Variants in TNRC6C observed in about 807,000 individuals in gnomAD.
The protein encoded by TNRC6C is trinucleotide repeat-containing gene 6C protein.
A neutral mutation model predicts 153.7 loss-of-function variants in TNRC6C; 20 were observed. The observed-to-expected ratio is 0.13, with a 90% confidence interval of 0.09 to 0.19. The LOEUF is 0.19. Among genes scored for constraint, TNRC6C ranks in the 10% least tolerant of loss-of-function variants. The probability of loss-of-function intolerance (pLI) is 1.00; values close to 1 mark genes in which losing one functional copy is unlikely to be tolerated. For synonymous variants in TNRC6C, 811 were observed against 841.4 expected (o/e 0.96, Z 0.63); for missense variants, 1,987 against 2,172.0 (o/e 0.91, Z 1.69).
At chr17:78,054,613 T>A (rs2072609549) in intron 3 of TNRC6C, among the ~76,000 whole-genome samples, 1 of 151,858 alleles carries the variant, frequency 6.6e-6, no homozygotes, top group Non-Finnish European at 1.5e-5. Flanking sequence ...TGCAGACTAC[T>A]GTAGACTAGT....
intron 1 of TNRC6C, among the ~76,000 whole-genome samples, chr17:78,012,637 A>T (rs2143399559): frequency 6.6e-6 from 1 of 152,348 alleles, no homozygotes; most frequent in Non-Finnish European, 1.5e-5. Flanking sequence ...GCCAGGTGTC[A>T]GTAGGTCAGT....
rs1490123492 is a variant in TNRC6C, at chr17:78,079,938, C to A, written c.3357+397C>A. Among the ~76,000 whole-genome samples the A allele has an allele frequency of 6.6e-6, 1 of 152,150 alleles. No homozygotes were observed. The highest frequency in any genetic ancestry group is 1.5e-5 in the Non-Finnish European group (1 of 68,020). The stretch of plus-strand genomic sequence containing the variant: ...ATTGGTGGGAGAGGAAAGTGACACG[C>A]TGTAGTATTGCTGAGGATGTAAAAG... On this transcript the variant is annotated intron_variant, in intron 10 of 19. Transcript: ENST00000301624. The surrounding 1 kb of genome is among the most constrained non-coding windows in gnomAD (Gnocchi z 4.3).
exon 2 of TNRC6C, chr17:78,031,795 C>T (rs1161916248): frequency 1.6e-6 from 2 of 1,232,164 alleles, no homozygotes; most frequent in African/African-American, 3.1e-5. Context: ...AGCCCACCTC[C>T]CCTACCTGGA....
chr17:78,105,468 A>G (rs936062153), exon 20 of TNRC6C: 2 of 152,262 alleles, frequency 1.3e-5, no homozygotes, highest in African/African-American at 4.8e-5. Flanking sequence ...AAGTTAAAAA[A>G]AGACATATCA....
intron 3 of TNRC6C, among the ~76,000 whole-genome samples, chr17:78,053,846 A>G (rs1202073299): frequency 1.3e-5 from 2 of 152,170 alleles, no homozygotes; most frequent in Non-Finnish European, 2.9e-5. Flanking sequence ...TGCCTGGGCA[A>G]CATAACGAGA....
At chr17:78,006,550 T>TTCC (rs2071511143) in intron 1 of TNRC6C, among the ~76,000 whole-genome samples, 1 of 93,120 alleles carries the variant, frequency 1.1e-5, no homozygotes, top group African/African-American at 4.8e-5. Context: ...CTTCTTCTTC[T>TTCC]TCTTCTTCTT....
exon 3 of TNRC6C, chr17:78,051,214 A>G (rs748330531): frequency 4.5e-6 from 7 of 1,567,294 alleles, no homozygotes; most frequent in African/African-American, 2.7e-5. Flanking sequence ...TCCACCGTCC[A>G]TTCGCCGCAA....
At chr17:78,005,421 C>T (rs954641413) in intron 1 of TNRC6C, among the ~76,000 whole-genome samples, 2 of 151,998 alleles carry the variant, frequency 1.3e-5, no homozygotes, top group African/African-American at 4.8e-5. Flanking sequence ...TTTTAAGGTT[C>T]CAATTTCTCA....
At chr17:78,064,075 GCT>G (rs2072822700) in intron 3 of TNRC6C, among the ~76,000 whole-genome samples, 1 of 152,078 alleles carries the variant, frequency 6.6e-6, no homozygotes. Context: ...ACAGATTCTT[GCT>G]CTGTCGCCCA....
At chr17:78,050,504 G>A (rs2072503237) in exon 3 of TNRC6C, 1 of 1,613,920 alleles carries the variant, frequency 6.2e-7, no homozygotes, top group Admixed American at 1.7e-5. Flanking sequence ...GCCTGGGGTT[G>A]TGCAGCTACT....
chr17:78,102,656 AG>A, intron 18 of TNRC6C, 112 bp downstream of exon 21: 1 of 1,090,888 alleles, frequency 9.2e-7, no homozygotes, highest in South Asian at 1.5e-5. Flanking sequence ...GTTCTTGGTC[AG>A]GGTCCATAAG....
At position 78,091,423 on chromosome 17, in the gene TNRC6C, C is replaced by T. The variant is rs565589941; in HGVS notation, c.3803-17C>T. The T allele has an allele frequency of 1.3e-5, 20 of 1,567,648 alleles. No individual in the cohort carries two copies. The highest frequency in any genetic ancestry group is 4.7e-5 in the South Asian group (4 of 85,346). ...TTTAGAGGAGCAGGCGAATCCTAACCGCATCTCTCTCTTTAGCTGGACTGA... is the reference window on the plus strand; with the variant it reads ...TTTAGAGGAGCAGGCGAATCCTAACTGCATCTCTCTCTTTAGCTGGACTGA... On this transcript the variant is annotated splice_polypyrimidine_tract_variant and intron_variant, in intron 13 of 19. Coordinates refer to ENST00000301624, the Ensembl canonical transcript of TNRC6C.
chr17:77,958,548 A>C (rs1204719790), upstream of TNRC6C, among the ~76,000 whole-genome samples: 1 of 152,000 alleles, frequency 6.6e-6, no homozygotes, highest in African/African-American at 2.4e-5. Flanking sequence ...GCTCAGGTGC[A>C]GAGTGCCGAT....
At chr17:78,082,404 T>G (rs960929839) in intron 10 of TNRC6C, among the ~76,000 whole-genome samples, 1 of 152,152 alleles carries the variant, frequency 6.6e-6, no homozygotes, top group Non-Finnish European at 1.5e-5. Flanking sequence ...ATATAGTGTG[T>G]GCATCAGCAG....
At chr17:78,068,071 G>A (rs1466818594) in intron 5 of TNRC6C, 148 bp downstream of exon 7, 2 of 856,754 alleles carry the variant, frequency 2.3e-6, no homozygotes, top group African/African-American at 1.7e-5. Context: ...CCCTTTCAGG[G>A]GAGTAAGCAA....
At chr17:78,027,118 G>T (rs559432095) in intron 1 of TNRC6C, among the ~76,000 whole-genome samples, 1 of 152,266 alleles carries the variant, frequency 6.6e-6, no homozygotes, top group African/African-American at 2.4e-5. Context: ...AGGAGTGGCC[G>T]TCGCTGATAA....
At chr17:78,051,295 T>C (rs2072526920) in exon 3 of TNRC6C, 4 of 1,551,822 alleles carry the variant, frequency 2.6e-6, no homozygotes, top group Non-Finnish European at 2.6e-6. Context: ...TGTAAACATG[T>C]GGGATAGAAA....
At chr17:77,986,199 C>T (rs971749514) in intron 1 of TNRC6C, among the ~76,000 whole-genome samples, 22 of 152,126 alleles carry the variant, frequency 1.4e-4, no homozygotes, top group Admixed American at 1.3e-3. Flanking sequence ...GCGGATCACC[C>T]GAGGTCGGGA....
intron 11 of TNRC6C, among the ~76,000 whole-genome samples, chr17:78,085,990 A>T (rs1206189398): frequency 6.6e-6 from 1 of 152,114 alleles, no homozygotes; most frequent in Non-Finnish European, 1.5e-5. Flanking sequence ...GCACTAAAAA[A>T]GTGGATAAGA....
Sources: gnomAD v4.1 joint callset for allele counts (sites outside exome capture counted in the v4.1 genomes callset) on GRCh38, gnomAD v4.1.1 for gene constraint, Gnocchi (gnomAD v3.1) non-coding constraint, MANE v1.5 for transcripts, NCBI Gene and HGNC (gene_info 2026-07-23, HGNC 2026-07-21) for gene names.